Variants in GABRA3 observed in about 807,000 individuals in gnomAD.
The protein encoded by GABRA3 is gamma-aminobutyric acid receptor subunit alpha-3.
Under a neutral mutation model 30.1 loss-of-function variants are expected in GABRA3, and 10 were observed. The observed-to-expected ratio is 0.33, with a 90% CI of 0.20 to 0.56. GABRA3 has a LOEUF of 0.56. Ranked by LOEUF, GABRA3 falls within the 20% of genes least tolerant of loss-of-function variation. The pLI is 0.89. For synonymous variants in GABRA3, 151 were observed against 146.8 expected (o/e 1.03, Z -0.21); for missense variants, 233 against 392.0 (o/e 0.59, Z 3.42).
chrX:152,287,875 G>C (rs953656451), intron 3 of GABRA3, among the ~76,000 whole-genome samples: 2 of 110,015 alleles, frequency 1.8e-5, no homozygotes, highest in African/African-American at 6.6e-5. Context: ...AAATGGGATA[G>C]AAGTGGAGGA....
At chrX:152,316,194 T>A (rs1241070232) in intron 3 of GABRA3, among the ~76,000 whole-genome samples, 1 of 109,944 alleles carries the variant, frequency 9.1e-6, no homozygotes, top group Admixed American at 9.7e-5. Context: ...ATCACAGGAC[T>A]TAGAGAAATG....
At chrX:152,420,517 T>C (rs1343171727) in intron 1 of GABRA3, among the ~76,000 whole-genome samples, 1 of 110,858 alleles carries the variant, frequency 9.0e-6, no homozygotes, top group East Asian at 2.8e-4. Flanking sequence ...CACTAAAAAA[T>C]AAAAACATAA....
At chrX:152,228,536 G>A (rs1240575697) in intron 5 of GABRA3, among the ~76,000 whole-genome samples, 1 of 111,078 alleles carries the variant, frequency 9.0e-6, no homozygotes, top group Non-Finnish European at 1.9e-5. Flanking sequence ...AAGAGGCAGT[G>A]TCTTGGAAAT....
At chrX:152,360,907 TA>T (rs923676003) in intron 2 of GABRA3, among the ~76,000 whole-genome samples, 26 of 106,220 alleles carry the variant, frequency 2.4e-4, no homozygotes, top group African/African-American at 8.5e-4. Context: ...ACCCTATCTC[TA>T]AAAAATAATT....
chrX:152,167,007 GC>G lies in GABRA3; in HGVS notation c.*1220del, dbSNP rs1936944403. On this transcript the variant is annotated 3_prime_UTR_variant, in exon 10 of 10. Coordinates refer to ENST00000370314, the MANE Select transcript of GABRA3 (RefSeq NM_000808.4). ...CTCACATTAAGATTAAGAACAAATG[GC>G]CTCTAAATAATATATTATAAAATTG... The G allele has an allele frequency of 5.4e-5, 6 of 110,892 alleles. No homozygotes were observed. The highest frequency in any genetic ancestry group is 1.9e-4 in the Admixed American group (2 of 10,385). 9.1% of individuals were successfully genotyped at this position (110,892 alleles called of 1,213,427 possible).
At chrX:152,445,275 A>G (rs1260727921) in intron 1 of GABRA3, among the ~76,000 whole-genome samples, 1 of 109,746 alleles carries the variant, frequency 9.1e-6, no homozygotes, top group East Asian at 2.9e-4. Flanking sequence ...TTCCCTTCAC[A>G]TACATCTTCC....
chrX:152,173,073 T>C (rs1159000927), intron 9 of GABRA3, among the ~76,000 whole-genome samples: 1 of 110,612 alleles, frequency 9.0e-6, no homozygotes, highest in Non-Finnish European at 1.9e-5. Flanking sequence ...AGAATTAAAA[T>C]ATACAGGAGA....
At chrX:152,435,384 G>A (rs958797255) in intron 1 of GABRA3, among the ~76,000 whole-genome samples, 25 of 111,627 alleles carry the variant, frequency 2.2e-4, no homozygotes, top group Non-Finnish European at 4.0e-4. Flanking sequence ...AGAAAATGTG[G>A]CACATATACA....
intron 8 of GABRA3, among the ~76,000 whole-genome samples, chrX:152,196,171 A>G (rs1408661636): frequency 9.4e-6 from 1 of 106,855 alleles, no homozygotes; most frequent in African/African-American, 3.4e-5. Context: ...GATCATCTAA[A>G]AAGTCAGGAG....
In GABRA3 at chrX:152,251,392, C is replaced by T. The variant is rs185456386; in HGVS notation, c.551+4386G>A. Among the ~76,000 whole-genome samples the T allele has an allele frequency of 1.2e-3, 134 of 109,868 alleles. 2 individuals carry two copies. Among genetic ancestry groups the T allele is most frequent in the African/African-American group, 4.2e-3 (128 of 30,247 alleles). On this transcript the variant is annotated intron_variant, in intron 5 of 9. Transcript: ENST00000370314. ...TTTTGTATTTCAATATTCCCATCCT[C>T]TCTCCTTTCTTCTCTCTTCTCTATC...
intron 5 of GABRA3, among the ~76,000 whole-genome samples, chrX:152,232,984 T>C (rs908675487): frequency 9.0e-6 from 1 of 110,905 alleles, no homozygotes; most frequent in Non-Finnish European, 1.9e-5. Context: ...TGTTTTTTTG[T>C]TTGTTTGTTT....
intron 7 of GABRA3, among the ~76,000 whole-genome samples, chrX:152,207,667 T>A (rs1937577758): frequency 8.9e-6 from 1 of 111,780 alleles, no homozygotes; most frequent in Non-Finnish European, 1.9e-5. Flanking sequence ...AAAGCTCAGC[T>A]CTTCCCCCAC....
chrX:152,313,231 C>A (rs1275751132), intron 3 of GABRA3, among the ~76,000 whole-genome samples: 2 of 111,859 alleles, frequency 1.8e-5, no homozygotes, highest in Non-Finnish European at 1.9e-5. Context: ...TTTCTGCAAG[C>A]CTTCTAGATG....
rs1418239105 is a variant in GABRA3, at chrX:152,345,664, C to T, written c.179G>A (p.Ser60Asn). Residue 60 changes from serine (S) to asparagine (N), a missense_variant, in exon 3 of 10, where the codon AGC (serine) becomes AAC (asparagine). Physicochemically the swap from Ser to Asn is conservative, Grantham distance 46. Around this residue, in one of 6 missense-constraint regions of GABRA3, gnomAD observed 69 missense variants for 79.4 expected, o/e 0.87. Transcript: ENST00000370314. ...GGTGAAGATAGTGATGTTGTCAGTG[C>T]TGTCATCAGGAATATCTGGGGCATG... is the stretch of plus-strand genomic sequence containing the variant. Reference protein sequence around the residue: ...PKHAPDIPDDSTDNITIFTRI... With the variant: ...PKHAPDIPDDNTDNITIFTRI... 1.7e-6 allele frequency: 2 copies of T among 1,202,174 alleles called. No individual in the cohort carries two copies. Among genetic ancestry groups the T allele is most frequent in the Non-Finnish European group, 2.2e-6 (2 of 891,640 alleles).
At chrX:152,286,846 A>G (rs1939305556) in intron 3 of GABRA3, among the ~76,000 whole-genome samples, 1 of 112,130 alleles carries the variant, frequency 8.9e-6, no homozygotes, top group Non-Finnish European at 1.9e-5. Context: ...AAACTTAATC[A>G]GCAAATAACA....
intron 5 of GABRA3, among the ~76,000 whole-genome samples, chrX:152,231,651 C>T (rs1938082873): frequency 9.0e-6 from 1 of 111,149 alleles, no homozygotes; most frequent in East Asian, 2.8e-4. Flanking sequence ...TACTCTAATT[C>T]TTACTTTAAT....
intron 9 of GABRA3, among the ~76,000 whole-genome samples, chrX:152,169,943 T>C (rs936449312): frequency 9.0e-6 from 1 of 111,703 alleles, no homozygotes; most frequent in Non-Finnish European, 1.9e-5. Context: ...ATCATTCTTA[T>C]TTTTTCTCCT....
chrX:152,401,266 GTATATA>G (rs747896105), intron 1 of GABRA3, among the ~76,000 whole-genome samples: 7 of 97,218 alleles, frequency 7.2e-5, no homozygotes, highest in East Asian at 3.2e-4. Context: ...TTTAATGTGT[GTATATA>G]TATATATATA....
chrX:152,314,784 G>A (rs940480863), intron 3 of GABRA3, among the ~76,000 whole-genome samples: 5 of 111,577 alleles, frequency 4.5e-5, no homozygotes, highest in Admixed American at 9.5e-5. Context: ...TCTATTTCAC[G>A]TCACAGTTTA....
Sources: allele counts gnomAD v4.1 joint callset (sites outside exome capture counted in the v4.1 genomes callset), GRCh38; gene constraint gnomAD v4.1.1; regional missense constraint gnomAD v4.1.1; transcripts MANE v1.5; gene names NCBI Gene and HGNC (gene_info 2026-07-23, HGNC 2026-07-21).